Variants in OTUD7A observed in about 807,000 individuals in gnomAD.
OTUD7A encodes OTU deubiquitinase 7A.
A neutral mutation model predicts 65.7 loss-of-function variants in OTUD7A; 12 were observed. The observed-to-expected ratio is 0.18, with a 90% confidence interval of 0.12 to 0.30. The LOEUF is 0.30. Among genes scored for constraint, OTUD7A ranks in the 10% least tolerant of loss-of-function variants. OTUD7A has a pLI of 1.00. For synonymous variants in OTUD7A, 641 were observed against 586.3 expected, an observed-to-expected ratio of 1.09 and a Z score of -1.35; for missense variants, 1,148 against 1,304.8, an observed-to-expected ratio of 0.88 and a Z score of 1.85.
At chr15:31,672,281 A>C (rs1306372182) in intron 1 of OTUD7A, among the ~76,000 whole-genome samples, 1 of 151,988 alleles carries the variant, frequency 6.6e-6, no homozygotes, top group East Asian at 1.9e-4. Flanking sequence ...ACCTTCCTCT[A>C]ATTTTTTCCT....
In OTUD7A at chr15:31,487,119, A is replaced by G; in HGVS notation, c.1371+75T>C. 1 of 1,428,476 alleles carries G rather than the reference A, an allele frequency of 7.0e-7. No homozygotes were observed. Among genetic ancestry groups the G allele is most frequent in the Non-Finnish European group, 9.7e-7 (1 of 1,028,620 alleles). The allele number at this position is 1,428,476 out of a possible 1,614,324, so 88.5% of individuals were successfully genotyped here. On this transcript the variant is annotated intron_variant, in intron 12 of 12. Coordinates refer to ENST00000307050, the MANE Select transcript of OTUD7A (RefSeq NM_001382637.1). This position sits in a 1 kb window ranked among gnomAD's most constrained non-coding sequence, Gnocchi z 6.0. The stretch of plus-strand genomic sequence containing the variant: ...CAAGAGTGTGGGAGCATTTGGGAGG[A>G]TGCACCCTGGTCAGACTGGAGCTGA...
At chr15:31,551,908 A>G (rs1247021488) in intron 5 of OTUD7A, among the ~76,000 whole-genome samples, 1 of 152,212 alleles carries the variant, frequency 6.6e-6, no homozygotes, top group Admixed American at 6.5e-5. Flanking sequence ...GGTTGTCCCC[A>G]ATAATCCTGG....
At chr15:31,833,538 G>C (rs1896985542) in intron 1 of OTUD7A, among the ~76,000 whole-genome samples, 1 of 152,180 alleles carries the variant, frequency 6.6e-6, no homozygotes, top group Non-Finnish European at 1.5e-5. Context: ...GTATTTATTT[G>C]CTTCCTATTG....
intron 8 of OTUD7A, among the ~76,000 whole-genome samples, chr15:31,521,090 A>C (rs2041930683): frequency 6.6e-6 from 1 of 152,216 alleles, no homozygotes; most frequent in Non-Finnish European, 1.5e-5. Flanking sequence ...GTACATATGG[A>C]CAGGCAGAAT....
At chr15:31,528,414 G>A (rs1437594212) in intron 6 of OTUD7A, among the ~76,000 whole-genome samples, 1 of 152,210 alleles carries the variant, frequency 6.6e-6, no homozygotes, top group African/African-American at 2.4e-5. Flanking sequence ...AGTGAAAAGG[G>A]GGCTCTCGAG....
intron 1 of OTUD7A, among the ~76,000 whole-genome samples, chr15:31,659,300 G>A (rs1437542603): frequency 1.3e-5 from 2 of 152,104 alleles, no homozygotes; most frequent in Non-Finnish European, 2.9e-5. Context: ...TCTCAGGACA[G>A]CAAACAGGGT....
intron 1 of OTUD7A, among the ~76,000 whole-genome samples, chr15:31,825,287 G>T (rs184059795): frequency 5.3e-5 from 8 of 152,364 alleles, no homozygotes; most frequent in African/African-American, 1.9e-4. Flanking sequence ...GCAGTTCCAT[G>T]TGGCTGGGGA....
intron 1 of OTUD7A, among the ~76,000 whole-genome samples, chr15:31,778,969 A>T (rs774531023): frequency 4.6e-5 from 7 of 152,234 alleles, no homozygotes; most frequent in Non-Finnish European, 1.0e-4. Context: ...CTAAACAGAA[A>T]TGGAAGCTTG....
At chr15:31,673,553 C>T (rs1892531973) in intron 1 of OTUD7A, among the ~76,000 whole-genome samples, 1 of 152,188 alleles carries the variant, frequency 6.6e-6, no homozygotes, top group Non-Finnish European at 1.5e-5. Context: ...GGCCGCTTTG[C>T]TTTGAAAGAT....
At chr15:31,499,848 C>A (rs571040018) in intron 10 of OTUD7A, among the ~76,000 whole-genome samples, 1 of 152,216 alleles carries the variant, frequency 6.6e-6, no homozygotes, top group African/African-American at 2.4e-5. Context: ...TTTTAGAAAC[C>A]AGGTCATCAG....
At chr15:31,846,722 C>A (rs994829150) in intron 1 of OTUD7A, among the ~76,000 whole-genome samples, 3 of 152,108 alleles carry the variant, frequency 2.0e-5, no homozygotes, top group African/African-American at 7.2e-5. Context: ...ATTTATAACA[C>A]GGAAAAGGCT....
chr15:31,729,793 G>A (rs1201532744), intron 1 of OTUD7A, among the ~76,000 whole-genome samples: 7 of 152,082 alleles, frequency 4.6e-5, no homozygotes, highest in South Asian at 4.1e-4. Context: ...CCTCCTGCTC[G>A]TTGTCAGATT....
intron 1 of OTUD7A, among the ~76,000 whole-genome samples, chr15:31,784,066 C>T (rs1367477227): frequency 6.6e-6 from 1 of 152,120 alleles, no homozygotes; most frequent in Non-Finnish European, 1.5e-5. Context: ...AGAAGAGCCA[C>T]CTAACTCAAT....
At chr15:31,686,230 G>A (rs1235229555) in intron 1 of OTUD7A, among the ~76,000 whole-genome samples, 2 of 152,242 alleles carry the variant, frequency 1.3e-5, no homozygotes, top group African/African-American at 4.8e-5. Flanking sequence ...GTGTGGCCAA[G>A]CACCTGCAAG....
At chr15:31,778,322 G>A (rs1503019) in intron 1 of OTUD7A, among the ~76,000 whole-genome samples, 99,888 of 151,948 alleles carry the variant, frequency 0.66, 33,743 homozygotes, top group South Asian at 0.78. Flanking sequence ...CAACAGGTGA[G>A]GAGAAATATA....
At chr15:31,805,946 G>A (rs1896258662) in intron 1 of OTUD7A, among the ~76,000 whole-genome samples, 1 of 152,172 alleles carries the variant, frequency 6.6e-6, no homozygotes, top group African/African-American at 2.4e-5. Context: ...ACATCCACAA[G>A]GCCATATTAT....
intron 3 of OTUD7A, among the ~76,000 whole-genome samples, chr15:31,607,933 T>G (rs1890283831): frequency 6.6e-6 from 1 of 152,198 alleles, no homozygotes. Context: ...TCTAAAATAA[T>G]TATATTTAAT....
At chr15:31,617,272 A>G (rs1890618790) in intron 3 of OTUD7A, among the ~76,000 whole-genome samples, 1 of 152,158 alleles carries the variant, frequency 6.6e-6, no homozygotes, top group Admixed American at 6.5e-5. Context: ...ATGGATCACG[A>G]GGTCAAGAGA....
chr15:31,613,668 A>G (rs557063340), intron 3 of OTUD7A, among the ~76,000 whole-genome samples: 59 of 152,264 alleles, frequency 3.9e-4, no homozygotes, highest in African/African-American at 1.4e-3. Context: ...GCATGGATGC[A>G]GTGATCAGGG....
Sources: gnomAD v4.1 joint callset for allele counts (sites outside exome capture counted in the v4.1 genomes callset) on GRCh38, gnomAD v4.1.1 for gene constraint, Gnocchi (gnomAD v3.1) non-coding constraint, MANE v1.5 for transcripts, NCBI Gene and HGNC (gene_info 2026-07-23, HGNC 2026-07-21) for gene names.